The following CEP44 variants were observed in gnomAD, a reference collection of about 807,000 sequenced individuals.
The protein encoded by CEP44 is centrosomal protein of 44 kDa.
A neutral mutation model predicts 46.7 loss-of-function variants in CEP44; 45 were observed. The observed-to-expected ratio is 0.96, with a 90% CI of 0.76 to 1.24. The LOEUF (loss-of-function observed/expected upper bound fraction) is 1.24, where lower values mean the gene tolerates loss of function less well. CEP44 is among the 50% of genes most tolerant of loss of function. The pLI is 0.00. For synonymous variants in CEP44, 142 were observed against 146.0 expected, an observed-to-expected ratio of 0.97 and a Z score of 0.20; for missense variants, 475 against 459.7, an observed-to-expected ratio of 1.03 and a Z score of -0.30.
At chr4:174,306,825 A>G (rs1740462204) in intron 6 of CEP44, among the ~76,000 whole-genome samples, 3 of 152,160 alleles carry the variant, frequency 2.0e-5, no homozygotes, top group Admixed American at 6.6e-5. Context: ...ACAACAGTCA[A>G]GCTGAGAACC....
rs538218188 is a variant in CEP44, at chr4:174,288,929, G to A, written c.-148+4986G>A. 2.6e-5 allele frequency among the ~76,000 whole-genome samples: 4 copies of A among 152,050 alleles called. No individual in the cohort carries two copies. The highest frequency in any genetic ancestry group is 9.7e-5 in the African/African-American group (4 of 41,418). ...TTTTCCTTTACCTAATTTGCTATAAGGTTCTTCCATACCTAGTTTATTGGG... is the reference window on the plus strand; with the variant it reads ...TTTTCCTTTACCTAATTTGCTATAAAGTTCTTCCATACCTAGTTTATTGGG... On this transcript the variant is annotated intron_variant, in intron 1 of 11. Transcript: ENST00000503780. This position sits in a 1 kb window ranked among gnomAD's most constrained non-coding sequence, Gnocchi z 4.6.
downstream of CEP44, among the ~76,000 whole-genome samples, chr4:174,324,779 G>C (rs139054443): frequency 6.6e-6 from 1 of 152,190 alleles, no homozygotes; most frequent in East Asian, 1.9e-4. Flanking sequence ...TTCCATGCCA[G>C]CTGTGAAATT....
At position 174,320,319 on chromosome 4, in the gene CEP44, GA is replaced by G. The variant is rs1260059816; in HGVS notation, c.*2940del. The G allele has an allele frequency of 2.3e-5, 22 of 976,098 alleles. No individual in the cohort carries two copies. Among genetic ancestry groups the G allele is most frequent in the Non-Finnish European group, 2.7e-5 (22 of 822,072 alleles). The allele number at this position is 976,098 out of a possible 1,614,324, so 60.5% of individuals were successfully genotyped here. ...GTAATATATTTTAAAAATAAAACTT[GA>G]AAACGTTGGGACTTTGTTTCATGCC... On this transcript the variant is annotated 3_prime_UTR_variant, in exon 12 of 12. Transcript: ENST00000503780.
rs1412002158 is a variant in CEP44, at chr4:174,310,026, T to C, written c.855T>C (p.Leu285=). Residue 285 remains leucine, a synonymous_variant, in exon 8 of 12, where the codon CTT becomes CTC. Transcript: ENST00000503780. The surrounding 1 kb of genome is among the most constrained non-coding windows in gnomAD (Gnocchi z 4.2). ...CTAATCTTCTTAGTCGTGTCACTCT[T>C]CTTGAAACAGAAATGCTTTTGTCTA... ...TWTNLLSRVT[L]LETEMLLSKK... is the part of the protein sequence containing the mutation. The C allele has an allele frequency of 1.2e-6, 2 of 1,612,082 alleles. No individual in the cohort carries two copies. Among genetic ancestry groups the C allele is most frequent in the Middle Eastern group, 1.7e-4 (1 of 6,046 alleles).
At position 174,319,611 on chromosome 4, in the gene CEP44, C is replaced by T; in HGVS notation, c.*2228C>T. On this transcript the variant is annotated 3_prime_UTR_variant, in exon 12 of 12. Coordinates refer to ENST00000503780, the MANE Select transcript of CEP44 (RefSeq NM_001040157.3). ...AATCTCCTAGTTTATATACAGTGTG[C>T]AAAATATAAGTAAGTATATATTGAA... 1 of 674,192 alleles carries T rather than the reference C, an allele frequency of 1.5e-6. No individual in the cohort carries two copies. The highest frequency in any genetic ancestry group is 1.8e-6 in the Non-Finnish European group (1 of 545,906). The allele number at this position is 674,192 out of a possible 1,614,324, so 41.8% of individuals were successfully genotyped here.
Position 174,319,055 on chromosome 4 carries a change from C to T in CEP44, c.*1672C>T. 1 of 710,868 alleles carries T rather than the reference C, an allele frequency of 1.4e-6. No homozygotes were observed. The highest frequency in any genetic ancestry group is 6.4e-5 in the South Asian group (1 of 15,644). 44.0% of individuals were successfully genotyped at this position (710,868 alleles called of 1,614,324 possible). A position where few individuals can be genotyped will look rare whatever the true frequency, so the allele number is the denominator to read the frequency against. On this transcript the variant is annotated 3_prime_UTR_variant, in exon 12 of 12. Coordinates refer to ENST00000503780, the MANE Select transcript of CEP44 (RefSeq NM_001040157.3). Reference sequence around the variant, plus strand: ...AACTCGTGAGCTAAAGCTACTCGCCCACCTGGATGTCCCAAAGTGCTAGAT... The same window carrying T: ...AACTCGTGAGCTAAAGCTACTCGCCTACCTGGATGTCCCAAAGTGCTAGAT...
rs1366190166 is a variant in CEP44, at chr4:174,310,510, A to T, written c.886-273A>T. Among the ~76,000 whole-genome samples the T allele has an allele frequency of 6.6e-6, 1 of 151,936 alleles. No individual in the cohort carries two copies. Among genetic ancestry groups the T allele is most frequent in the African/African-American group, 2.4e-5 (1 of 41,416 alleles). On this transcript the variant is annotated intron_variant, in intron 8 of 11. Transcript: ENST00000503780. The surrounding 1 kb of genome is among the most constrained non-coding windows in gnomAD (Gnocchi z 4.2). ...ACCAGATTTACCATTGCCTTATCAA[A>T]TCTGAGAAATTTGTTTTTTTTTACT...
chr4:174,310,024 C>T lies in CEP44; in HGVS notation c.853C>T (p.Leu285Phe). 3 of 1,611,972 alleles carry T rather than the reference C, an allele frequency of 1.9e-6. No individual in the cohort carries two copies. In the South Asian group the frequency reaches 3.3e-5, roughly 18 times the overall value. The change falls in exon 8 of 12, where the codon CTT (leucine) becomes TTT (phenylalanine). Residue 285 changes from leucine (L) to phenylalanine (F), a missense_variant. Leu to Phe is a conservative substitution (Grantham distance 22). Transcript: ENST00000503780. This position sits in a 1 kb window ranked among gnomAD's most constrained non-coding sequence, Gnocchi z 4.2. ...TWTNLLSRVTLLETEMLLSKK... is the reference protein window; with the variant it reads ...TWTNLLSRVTFLETEMLLSKK... ...GACTAATCTTCTTAGTCGTGTCACT[C>T]TTCTTGAAACAGAAATGCTTTTGTC...
At chr4:174,289,950 T>C (rs968913142) in intron 1 of CEP44, among the ~76,000 whole-genome samples, 1 of 152,034 alleles carries the variant, frequency 6.6e-6, no homozygotes, top group Non-Finnish European at 1.5e-5. Context: ...GTGATTCTCC[T>C]GCCTCAGCCT....
At position 174,317,955 on chromosome 4, in the gene CEP44, A is replaced by G. The variant is rs1358620158; in HGVS notation, c.*572A>G. 1.7e-5 allele frequency: 17 copies of G among 985,290 alleles called. No homozygotes were observed. Among genetic ancestry groups the G allele is most frequent in the Non-Finnish European group, 1.9e-5 (16 of 829,894 alleles). The allele number at this position is 985,290 out of a possible 1,614,324, so 61.0% of individuals were successfully genotyped here. A position where few individuals can be genotyped will look rare whatever the true frequency, so the allele number is the denominator to read the frequency against. ...ATTAAGGTTAAGATTCTCCTTTTGT[A>G]CTGGGAAACAGGCTGGAGGACTATG... On this transcript the variant is annotated 3_prime_UTR_variant, in exon 12 of 12. Transcript: ENST00000503780.
intron 9 of CEP44, among the ~76,000 whole-genome samples, chr4:174,313,444 A>C (rs376033281): frequency 6.6e-6 from 1 of 151,920 alleles, no homozygotes; most frequent in Non-Finnish European, 1.5e-5. Context: ...GACTAGCAGG[A>C]AGGGTACATG....
intron 4 of CEP44, among the ~76,000 whole-genome samples, chr4:174,303,295 G>A (rs1739969151): frequency 6.6e-6 from 1 of 151,860 alleles, no homozygotes; most frequent in Non-Finnish European, 1.5e-5. Context: ...GAAAAATTGA[G>A]ACCAAAAGGC....
At chr4:174,292,672 T>C (rs1738371938) in intron 1 of CEP44, among the ~76,000 whole-genome samples, 1 of 152,238 alleles carries the variant, frequency 6.6e-6, no homozygotes, top group African/African-American at 2.4e-5. Flanking sequence ...TTGAATTTTT[T>C]AGTTCAGTCA....
intron 8 of CEP44, among the ~76,000 whole-genome samples, chr4:174,330,516 C>G (rs957358606): frequency 2.0e-5 from 3 of 151,352 alleles, no homozygotes; most frequent in Non-Finnish European, 4.4e-5. Flanking sequence ...TTATGTGATA[C>G]ATGTAATTTT....
At chr4:174,305,206 C>A (rs1424068986) in intron 6 of CEP44, among the ~76,000 whole-genome samples, 1 of 152,150 alleles carries the variant, frequency 6.6e-6, no homozygotes, top group African/African-American at 2.4e-5. Context: ...GTAATCCCAG[C>A]ACTTTGGGAG....
chr4:174,315,628 G>A (rs1741584568), intron 9 of CEP44, among the ~76,000 whole-genome samples: 1 of 151,992 alleles, frequency 6.6e-6, no homozygotes, highest in African/African-American at 2.4e-5. Flanking sequence ...ATTATTTAAT[G>A]TAAATATCAC....
At position 174,287,504 on chromosome 4, in the gene CEP44, T is replaced by C. The variant is rs1355656361; in HGVS notation, c.-148+3561T>C. On this transcript the variant is annotated intron_variant, in intron 1 of 11. Coordinates refer to ENST00000503780, the MANE Select transcript of CEP44 (RefSeq NM_001040157.3). This position sits in a 1 kb window ranked among gnomAD's most constrained non-coding sequence, Gnocchi z 5.1. Reference sequence around the variant, plus strand: ...GGCATGTGCAAAGGTGTTGAACAGCTTGAGATATCACCAAACATCCTTATC... The same window carrying C: ...GGCATGTGCAAAGGTGTTGAACAGCCTGAGATATCACCAAACATCCTTATC... Among the ~76,000 whole-genome samples the C allele has an allele frequency of 6.6e-6, 1 of 152,190 alleles. No individual in the cohort carries two copies. Among genetic ancestry groups the C allele is most frequent in the Non-Finnish European group, 1.5e-5 (1 of 68,034 alleles).
In CEP44 at chr4:174,301,053, A is replaced by G. The variant is rs530233770; in HGVS notation, c.90-986A>G. Among the ~76,000 whole-genome samples, 36 of 152,130 alleles carry G rather than the reference A, an allele frequency of 2.4e-4. No individual in the cohort carries two copies. The South Asian group carries it at 7.0e-3, about 30-fold the overall frequency. ...ATATTACAGTATTTCAAAGAAACAT[A>G]AAAGAAATAATTCATATTTGTCCAG... On this transcript the variant is annotated intron_variant, in intron 3 of 11. Coordinates refer to ENST00000503780, the MANE Select transcript of CEP44 (RefSeq NM_001040157.3). This position sits in a 1 kb window ranked among gnomAD's most constrained non-coding sequence, Gnocchi z 4.3.
Position 174,288,635 on chromosome 4 carries a change from TCTC to T in CEP44, c.-148+4693_-148+4695del, listed in dbSNP as rs1477523110. Among the ~76,000 whole-genome samples, 1 of 152,198 alleles carries T rather than the reference TCTC, an allele frequency of 6.6e-6. No individual in the cohort carries two copies. Among genetic ancestry groups the T allele is most frequent in the Non-Finnish European group, 1.5e-5 (1 of 68,006 alleles). On this transcript the variant is annotated intron_variant, in intron 1 of 11. Transcript: ENST00000503780. This position sits in a 1 kb window ranked among gnomAD's most constrained non-coding sequence, Gnocchi z 4.6. ...CTTTTTTAAAGGCAAATTTGTTTATTCTCACATTTTTGTTGGGGTCCCTAAGGT... is the reference window on the plus strand; with the variant it reads ...CTTTTTTAAAGGCAAATTTGTTTATTACATTTTTGTTGGGGTCCCTAAGGT...
Sources: allele counts gnomAD v4.1 joint callset (sites outside exome capture counted in the v4.1 genomes callset), GRCh38; gene constraint gnomAD v4.1.1; non-coding constraint Gnocchi (gnomAD v3.1); transcripts MANE v1.5; gene names NCBI Gene and HGNC (gene_info 2026-07-23, HGNC 2026-07-21).